HS3ST5: variants seen among roughly 807,000 people sequenced by gnomAD.
HS3ST5 encodes the protein heparan sulfate glucosamine 3-O-sulfotransferase 5.
In HS3ST5, 10 loss-of-function variants were observed where a neutral mutation model predicts 25.4. That is an observed-to-expected ratio of 0.39 (90% CI 0.24 to 0.67). HS3ST5 has a LOEUF of 0.67. HS3ST5 is among the 30% of genes least tolerant of loss of function. The pLI is 0.44. For missense variants in HS3ST5, 324 were observed against 420.7 expected (o/e 0.77, Z 2.01); for synonymous variants, 170 against 162.4 (o/e 1.05, Z -0.36).
chr6:114,096,350 A>C (rs188738188), intron 3 of HS3ST5, among the ~76,000 whole-genome samples: 1 of 152,292 alleles, frequency 6.6e-6, no homozygotes. Flanking sequence ...AAGTATAATG[A>C]AGACATGCCT....
chr6:114,204,299 A>G (rs1254437093), intron 2 of HS3ST5, among the ~76,000 whole-genome samples: 3 of 152,192 alleles, frequency 2.0e-5, no homozygotes, highest in Non-Finnish European at 2.9e-5. Context: ...TCAGTTCAGC[A>G]TGTCAAAATG....
intron 1 of HS3ST5, among the ~76,000 whole-genome samples, chr6:114,236,254 A>T (rs2114561448): frequency 6.6e-6 from 1 of 152,330 alleles, no homozygotes; most frequent in South Asian, 2.1e-4. Context: ...TACTATAGTG[A>T]TAATTAGTAC....
At chr6:114,089,926 C>T (rs1377438877) in intron 3 of HS3ST5, among the ~76,000 whole-genome samples, 1 of 152,124 alleles carries the variant, frequency 6.6e-6, no homozygotes, top group Non-Finnish European at 1.5e-5. Context: ...TAACAATAAT[C>T]GGAATAATTG....
rs1562281441 is a variant in HS3ST5 at position 114,341,252 on chromosome 6, A to AGAGAGAGAGAGAGG, written c.-339+942_-339+943insCCTCTCTCTCTCTC. Reference sequence around the variant, plus strand: ...GAGAGAGAGAGAGAGAGAGAGAGAGAGAGAGAGAGTGAGTCCCACCGGGTG... The same window carrying AGAGAGAGAGAGAGG: ...GAGAGAGAGAGAGAGAGAGAGAGAGAGAGAGAGAGAGAGGGAGAGAGAGTGAGTCCCACCGGGTG... On this transcript the variant is annotated intron_variant, in intron 1 of 4. Coordinates refer to ENST00000312719, the MANE Select transcript of HS3ST5 (RefSeq NM_153612.4). Among the ~76,000 whole-genome samples the AGAGAGAGAGAGAGG allele has an allele frequency of 1.9e-4, 28 of 149,418 alleles. 1 individual carries two copies. The highest frequency in any genetic ancestry group is 6.5e-4 in the African/African-American group (26 of 40,032).
At chr6:114,321,174 G>C (rs1296372627) in intron 1 of HS3ST5, among the ~76,000 whole-genome samples, 2 of 151,940 alleles carry the variant, frequency 1.3e-5, no homozygotes, top group South Asian at 2.1e-4. Context: ...CATATAGAAT[G>C]CTCCACTTCC....
At chr6:114,189,746 C>A (rs1402023335) in intron 2 of HS3ST5, among the ~76,000 whole-genome samples, 2 of 152,100 alleles carry the variant, frequency 1.3e-5, no homozygotes, top group East Asian at 1.9e-4. Flanking sequence ...CTGTTTCCTG[C>A]AAGGTGTTTC....
chr6:114,323,391 T>C (rs960354915), intron 1 of HS3ST5, among the ~76,000 whole-genome samples: 3 of 152,110 alleles, frequency 2.0e-5, no homozygotes, highest in Admixed American at 1.3e-4. Context: ...AAATAATTAA[T>C]CTGTTCATAC....
intron 1 of HS3ST5, among the ~76,000 whole-genome samples, chr6:114,320,737 T>G (rs1488081011): frequency 6.6e-6 from 1 of 152,012 alleles, no homozygotes; most frequent in Non-Finnish European, 1.5e-5. Flanking sequence ...CTGCTTTATG[T>G]GTAGGGGAGT....
chr6:114,170,360 G>T (rs1372090405), intron 2 of HS3ST5, among the ~76,000 whole-genome samples: 1 of 151,950 alleles, frequency 6.6e-6, no homozygotes, highest in African/African-American at 2.4e-5. Flanking sequence ...TCTTGAAGTT[G>T]TAATGTAATT....
intron 3 of HS3ST5, among the ~76,000 whole-genome samples, chr6:114,136,969 A>AT (rs1458258887): frequency 1.3e-5 from 2 of 152,314 alleles, no homozygotes; most frequent in East Asian, 1.9e-4. Flanking sequence ...AGAGAATATC[A>AT]TTTTTTGATA....
intron 1 of HS3ST5, among the ~76,000 whole-genome samples, chr6:114,291,096 G>T (rs1303751452): frequency 6.6e-6 from 1 of 151,972 alleles, no homozygotes; most frequent in East Asian, 1.9e-4. Flanking sequence ...CCAGGGTAGG[G>T]CTGCCTGATG....
rs1232306125 is a variant in HS3ST5 at position 114,056,827 on chromosome 6, G to A, written c.*430C>T. On this transcript the variant is annotated 3_prime_UTR_variant, in exon 5 of 5. Coordinates refer to ENST00000312719, the MANE Select transcript of HS3ST5 (RefSeq NM_153612.4). ...GCACCAATTCAGCATCTGAATTAAA[G>A]AGCCAGCTTTCCCTTAGGAAAAAAA... 5 of 155,776 alleles carry A rather than the reference G, an allele frequency of 3.2e-5. No individual in the cohort carries two copies. Among genetic ancestry groups the A allele is most frequent in the African/African-American group, 1.2e-4 (5 of 41,516 alleles). The allele number at this position is 155,776 out of a possible 1,614,324, so 9.6% of individuals were successfully genotyped here. A position where few individuals can be genotyped will look rare whatever the true frequency, so the allele number is the denominator to read the frequency against.
intron 3 of HS3ST5, chr6:114,132,164 T>C (rs889242103): frequency 6.6e-6 from 1 of 152,204 alleles, no homozygotes; most frequent in Non-Finnish European, 1.5e-5. Flanking sequence ...GCAATGATCA[T>C]ATCTGTGCAT....
intron 1 of HS3ST5, among the ~76,000 whole-genome samples, chr6:114,332,385 A>G (rs1582822292): frequency 6.6e-6 from 1 of 152,292 alleles, no homozygotes; most frequent in East Asian, 1.9e-4. Flanking sequence ...CCTTGGGCTT[A>G]CAAGTTCTTT....
At chr6:114,062,973 G>A in intron 3 of HS3ST5, 96 bp from the exon 4 acceptor site, 3 of 644,622 alleles carry the variant, frequency 4.7e-6, no homozygotes, top group South Asian at 3.8e-5. Flanking sequence ...AAGTGACACT[G>A]CACAAAGAGC....
chr6:114,272,601 T>C (rs1773682523), intron 1 of HS3ST5, among the ~76,000 whole-genome samples: 1 of 152,132 alleles, frequency 6.6e-6, no homozygotes, highest in African/African-American at 2.4e-5. Flanking sequence ...AACTCCATAG[T>C]ACATAGTCAC....
chr6:114,280,259 A>G (rs190560539), intron 1 of HS3ST5, among the ~76,000 whole-genome samples: 2 of 152,064 alleles, frequency 1.3e-5, no homozygotes, highest in East Asian at 3.9e-4. Context: ...CCTGAGCACA[A>G]TGGGATACTC....
chr6:114,283,032 A>T (rs1356029943), intron 1 of HS3ST5, among the ~76,000 whole-genome samples: 1 of 152,022 alleles, frequency 6.6e-6, no homozygotes, highest in Non-Finnish European at 1.5e-5. Context: ...ATATAGAATC[A>T]ATAAGAGAAT....
At chr6:114,134,466 A>AG (rs1777494187) in intron 3 of HS3ST5, among the ~76,000 whole-genome samples, 1 of 152,188 alleles carries the variant, frequency 6.6e-6, no homozygotes, top group African/African-American at 2.4e-5. Flanking sequence ...GAGAGGCTAA[A>AG]GGGGGAGTCC....
Sources: allele counts gnomAD v4.1 joint callset (sites outside exome capture counted in the v4.1 genomes callset), GRCh38; gene constraint gnomAD v4.1.1; transcripts MANE v1.5; gene names NCBI Gene and HGNC (gene_info 2026-07-23, HGNC 2026-07-21).